Variants in SMYD3 observed in about 807,000 individuals in gnomAD.
SMYD3 encodes the protein histone-lysine N-methyltransferase SMYD3.
In SMYD3, 36 loss-of-function variants were observed where a neutral mutation model predicts 57.7. That is an observed-to-expected ratio of 0.62 (90% CI 0.48 to 0.82). The LOEUF (loss-of-function observed/expected upper bound fraction) is 0.82. Ranked by LOEUF, SMYD3 falls within the 40% of genes least tolerant of loss-of-function variation. The probability of loss-of-function intolerance (pLI) is 0.00; values close to 1 mark genes in which losing one functional copy is unlikely to be tolerated. For missense variants in SMYD3, 515 were observed against 538.8 expected, an observed-to-expected ratio of 0.96 and a Z score of 0.44; for synonymous variants, 211 against 195.0, an observed-to-expected ratio of 1.08 and a Z score of -0.68.
At chr1:246,437,092 T>G (rs934680384) in intron 1 of SMYD3, among the ~76,000 whole-genome samples, 5 of 152,040 alleles carry the variant, frequency 3.3e-5, no homozygotes, top group East Asian at 1.9e-4. Context: ...AGAGACAAGG[T>G]TTCACCACGT....
Position 245,797,622 on chromosome 1 carries a change from T to C in SMYD3, c.1077-33473A>G, listed in dbSNP as rs182945592. On this transcript the variant is annotated intron_variant, in intron 10 of 11. Coordinates refer to ENST00000490107, the MANE Select transcript of SMYD3 (RefSeq NM_001167740.2). Reference sequence around the variant, plus strand: ...CACACCAACATGGCACATGTATACATATGTAACAAACCTGCACGTTGTGCA... The same window carrying C: ...CACACCAACATGGCACATGTATACACATGTAACAAACCTGCACGTTGTGCA... 5.4e-3 allele frequency among the ~76,000 whole-genome samples: 819 copies of C among 151,880 alleles called. 7 individuals are homozygous for C. The highest frequency in any genetic ancestry group is 0.019 in the African/African-American group (783 of 41,386).
chr1:245,845,139 C>T (rs548273810), intron 10 of SMYD3, among the ~76,000 whole-genome samples: 28 of 152,278 alleles, frequency 1.8e-4, no homozygotes, highest in African/African-American at 5.8e-4. Flanking sequence ...ATAACTTCTA[C>T]GTATTCTTCT....
intron 10 of SMYD3, among the ~76,000 whole-genome samples, chr1:245,793,186 G>A (rs1028811139): frequency 6.6e-6 from 1 of 150,948 alleles, no homozygotes; most frequent in Non-Finnish European, 1.5e-5. Context: ...GCGGGTGCCT[G>A]TAGTCCCAGC....
At chr1:246,029,365 GA>G (rs1459554406) in intron 5 of SMYD3, among the ~76,000 whole-genome samples, 2 of 152,210 alleles carry the variant, frequency 1.3e-5, no homozygotes, top group East Asian at 3.9e-4. Context: ...GATATGAATA[GA>G]AATGTCTCAA....
intron 1 of SMYD3, among the ~76,000 whole-genome samples, chr1:246,499,699 GC>G (rs1253512398): frequency 6.6e-6 from 1 of 152,000 alleles, no homozygotes; most frequent in East Asian, 1.9e-4. Flanking sequence ...CATGTGATCT[GC>G]CCACCTCGGC....
At chr1:245,932,163 C>A (rs1355767317) in intron 5 of SMYD3, among the ~76,000 whole-genome samples, 1 of 152,008 alleles carries the variant, frequency 6.6e-6, no homozygotes, top group Non-Finnish European at 1.5e-5. Context: ...ACAAAAAAAC[C>A]AGGTCAAACA....
intron 1 of SMYD3, among the ~76,000 whole-genome samples, chr1:246,391,380 GAGAGAGAGAGAGAA>G (rs59080308): frequency 0.14 from 19,629 of 135,696 alleles, 1,909 homozygotes; most frequent in East Asian, 0.29. Flanking sequence ...ACCTTATTGA[GAGAGAGAGAGAGAA>G]AGAGAGAGAG....
chr1:245,945,137 T>C (rs1381972882), intron 5 of SMYD3, among the ~76,000 whole-genome samples: 2 of 152,176 alleles, frequency 1.3e-5, no homozygotes, highest in East Asian at 1.9e-4. Flanking sequence ...AATGGACACA[T>C]GGGATCTAAT....
At chr1:246,082,921 G>A (rs956900831) in intron 5 of SMYD3, among the ~76,000 whole-genome samples, 7 of 148,880 alleles carry the variant, frequency 4.7e-5, no homozygotes, top group African/African-American at 1.8e-4. Flanking sequence ...AAGGCAGCAT[G>A]CTCCTTAAGA....
chr1:246,394,585 C>G (rs1302794223), intron 1 of SMYD3, among the ~76,000 whole-genome samples: 1 of 152,212 alleles, frequency 6.6e-6, no homozygotes, highest in Non-Finnish European at 1.5e-5. Flanking sequence ...CAATATCAGG[C>G]TCTTAAGTCC....
intron 5 of SMYD3, among the ~76,000 whole-genome samples, chr1:246,282,999 G>A (rs548518560): frequency 3.3e-5 from 5 of 152,108 alleles, no homozygotes; most frequent in African/African-American, 4.8e-5. Context: ...CAGAGTGATC[G>A]GAATTTAACT....
In SMYD3 at chr1:245,974,445, C is replaced by T. The variant is rs1044073925; in HGVS notation, c.532-44508G>A. ...TCTATTTCATTTTTCCCATCTCCTA[C>T]ATCTCCTATGCCAACCTCCTAAAGC... is the stretch of plus-strand genomic sequence containing the variant. On this transcript the variant is annotated intron_variant, in intron 5 of 11. Transcript: ENST00000490107. Among the ~76,000 whole-genome samples the T allele has an allele frequency of 3.9e-5, 6 of 152,332 alleles. No individual in the cohort carries two copies. The East Asian group carries it at 9.6e-4, about 24-fold the overall frequency.
intron 10 of SMYD3, among the ~76,000 whole-genome samples, chr1:245,842,727 G>A (rs1411491786): frequency 1.3e-5 from 2 of 151,816 alleles, no homozygotes; most frequent in African/African-American, 4.8e-5. Flanking sequence ...CTTTTTTTTA[G>A]AGATGGGGTC....
chr1:245,776,601 T>A (rs2046609469), intron 10 of SMYD3, among the ~76,000 whole-genome samples: 1 of 152,252 alleles, frequency 6.6e-6, no homozygotes, highest in Admixed American at 6.5e-5. Flanking sequence ...TTGAAATCAA[T>A]CACTACAGAT....
At chr1:246,084,211 T>C (rs1436708007) in intron 5 of SMYD3, among the ~76,000 whole-genome samples, 3 of 150,890 alleles carry the variant, frequency 2.0e-5, no homozygotes, top group Non-Finnish European at 4.4e-5. Context: ...TTTTTTTTTT[T>C]TCTTTTTTCT....
intron 10 of SMYD3, among the ~76,000 whole-genome samples, chr1:245,852,780 T>C (rs1309123402): frequency 6.6e-6 from 1 of 152,194 alleles, no homozygotes; most frequent in East Asian, 1.9e-4. Flanking sequence ...TTTAAAAGTT[T>C]TTAAAAATGC....
At chr1:246,425,245 G>A (rs7552946) in intron 1 of SMYD3, among the ~76,000 whole-genome samples, 143,424 of 152,118 alleles carry the variant, frequency 0.94, 68,230 homozygotes, top group East Asian at 1. Context: ...ACACACACCA[G>A]AAACCGCAAA....
intron 5 of SMYD3, among the ~76,000 whole-genome samples, chr1:246,284,456 G>A (rs1329586578): frequency 6.9e-6 from 1 of 145,044 alleles, no homozygotes; most frequent in Non-Finnish European, 1.5e-5. Context: ...TCACTCTTTC[G>A]CCCAGACCAG....
At chr1:245,796,793 T>C (rs1472485266) in intron 10 of SMYD3, among the ~76,000 whole-genome samples, 1 of 152,230 alleles carries the variant, frequency 6.6e-6, no homozygotes, top group African/African-American at 2.4e-5. Context: ...TTAGGACAGC[T>C]AGATCACTGC....
Sources: gnomAD v4.1 joint callset for allele counts (sites outside exome capture counted in the v4.1 genomes callset) on GRCh38, gnomAD v4.1.1 for gene constraint, MANE v1.5 for transcripts, NCBI Gene and HGNC (gene_info 2026-07-23, HGNC 2026-07-21) for gene names.